Variants in MCUR1 observed in about 807,000 individuals in gnomAD.
MCUR1 encodes MCU regulator 1.
A neutral mutation model predicts 42.0 loss-of-function variants in MCUR1; 37 were observed. The observed-to-expected ratio is 0.88, with a 90% CI of 0.68 to 1.16. The LOEUF is 1.16. MCUR1 is among the 50% of genes most tolerant of loss of function. MCUR1 has a pLI of 0.00. For synonymous variants in MCUR1, 229 were observed against 196.2 expected (o/e 1.17, Z -1.40); for missense variants, 469 against 468.4 (o/e 1.00, Z -0.01).
At chr6:13,807,798 G>T (rs773012195) in intron 1 of MCUR1, among the ~76,000 whole-genome samples, 7 of 152,020 alleles carry the variant, frequency 4.6e-5, no homozygotes, top group Non-Finnish European at 1.0e-4. Flanking sequence ...CTATTATCTG[G>T]GTTTTTAAAA....
chr6:13,810,593 C>T lies in MCUR1; in HGVS notation c.415+3422G>A, dbSNP rs551204866. Among the ~76,000 whole-genome samples, 5 of 152,168 alleles carry T rather than the reference C, an allele frequency of 3.3e-5. No homozygotes were observed. The South Asian group carries it at 8.3e-4, about 25-fold the overall frequency. On this transcript the variant is annotated intron_variant, in intron 1 of 8. Transcript: ENST00000379170. ...AGCTTCCACTCTCAGTCCTTCACCC[C>T]GATTACCCTATAATGAAATCGAGAG...
chr6:13,800,504 T>C (rs1584986016), intron 4 of MCUR1, 122 bp from the exon 5 acceptor site: 11 of 592,290 alleles, frequency 1.9e-5, no homozygotes, highest in Admixed American at 3.2e-5. Context: ...GAACACCGTA[T>C]TGATTGCAGA....
intron 1 of MCUR1, among the ~76,000 whole-genome samples, chr6:13,810,030 C>T (rs1349232533): frequency 6.6e-6 from 1 of 151,924 alleles, no homozygotes; most frequent in Non-Finnish European, 1.5e-5. Context: ...TGGTGAAACC[C>T]CGTATCTACT....
At position 13,789,546 on chromosome 6, in the gene MCUR1, C is replaced by G. The variant is rs1490930249; in HGVS notation, c.*1263G>C. 1.3e-5 allele frequency: 2 copies of G among 152,100 alleles called. No individual in the cohort carries two copies. The highest frequency in any genetic ancestry group is 2.9e-5 in the Non-Finnish European group (2 of 68,028). 9.4% of individuals were successfully genotyped at this position (152,100 alleles called of 1,614,324 possible). On this transcript the variant is annotated 3_prime_UTR_variant, in exon 9 of 9. Transcript: ENST00000379170. ...TAGAATGCTGTGTGGCATGACCATTCTCGAATTTTGAAAGCCTGAGCTGGT... is the reference window on the plus strand; with the variant it reads ...TAGAATGCTGTGTGGCATGACCATTGTCGAATTTTGAAAGCCTGAGCTGGT...
At chr6:13,790,900 C>G (rs1296681210) in intron 8 of MCUR1, 36 bp from the exon 9 acceptor site, 2 of 1,469,614 alleles carry the variant, frequency 1.4e-6, no homozygotes, top group East Asian at 4.6e-5. Flanking sequence ...ACTATTAGTT[C>G]TATTAAGAGT....
chr6:13,807,405 T>C (rs1460679214), intron 1 of MCUR1, among the ~76,000 whole-genome samples: 2 of 152,226 alleles, frequency 1.3e-5, no homozygotes, highest in Non-Finnish European at 2.9e-5. Context: ...AGAAATGGAA[T>C]CATATAATAT....
chr6:13,802,643 T>C (rs529892275), intron 2 of MCUR1, among the ~76,000 whole-genome samples: 1 of 152,320 alleles, frequency 6.6e-6, no homozygotes, highest in South Asian at 2.1e-4. Context: ...TGCCGGCAAG[T>C]CAACATCAAG....
In MCUR1 at chr6:13,787,403, A is replaced by T. The variant is rs1238475481; in HGVS notation, c.*3406T>A. Reference sequence around the variant, plus strand: ...TTCAGATTTAGTTTTGCTAGATATTAAACTAGAAAACTGGATGACAGTAAA... The same window carrying T: ...TTCAGATTTAGTTTTGCTAGATATTTAACTAGAAAACTGGATGACAGTAAA... On this transcript the variant is annotated 3_prime_UTR_variant, in exon 9 of 9. Transcript: ENST00000379170. 1 of 152,350 alleles carries T rather than the reference A, an allele frequency of 6.6e-6. No individual in the cohort carries two copies. Among genetic ancestry groups the T allele is most frequent in the South Asian group, 2.1e-4 (1 of 4,834 alleles). The allele number at this position is 152,350 out of a possible 1,614,324, so 9.4% of individuals were successfully genotyped here. A position where few individuals can be genotyped will look rare whatever the true frequency, so the allele number is the denominator to read the frequency against.
chr6:13,793,736 A>T (rs537792247), intron 7 of MCUR1, among the ~76,000 whole-genome samples, 158 bp downstream of exon 7: 12 of 152,308 alleles, frequency 7.9e-5, no homozygotes, highest in African/African-American at 2.9e-4. Context: ...AATGGTTAAG[A>T]TCCTAATTTT....
chr6:13,804,848 A>G (rs1760082741), intron 2 of MCUR1, among the ~76,000 whole-genome samples: 1 of 151,332 alleles, frequency 6.6e-6, no homozygotes, highest in African/African-American at 2.4e-5. Context: ...GTTATGAGGC[A>G]GAAATTAATT....
Position 13,787,689 on chromosome 6 carries a change from C to G in MCUR1, c.*3120G>C, listed in dbSNP as rs893875429. The stretch of plus-strand genomic sequence containing the variant: ...AGGTATTGGACATCGTTCCCTCCAC[C>G]TGCACCTAGAGGATATGTGTTCAGG... On this transcript the variant is annotated 3_prime_UTR_variant, in exon 9 of 9. Coordinates refer to ENST00000379170, the MANE Select transcript of MCUR1 (RefSeq NM_001031713.4). 6 of 152,192 alleles carry G rather than the reference C, an allele frequency of 3.9e-5. No homozygotes were observed. Among genetic ancestry groups the G allele is most frequent in the Non-Finnish European group, 1.5e-5 (1 of 68,038 alleles). The allele number at this position is 152,192 out of a possible 1,614,324, so 9.4% of individuals were successfully genotyped here.
chr6:13,806,870 G>A, intron 2 of MCUR1, 55 bp downstream of exon 2: 1 of 1,509,506 alleles, frequency 6.6e-7, no homozygotes, highest in Non-Finnish European at 8.9e-7. Flanking sequence ...CATAAGAGAA[G>A]TCATAATTTA....
At chr6:13,798,395 C>T (rs910922477) in intron 6 of MCUR1, among the ~76,000 whole-genome samples, 1 of 151,918 alleles carries the variant, frequency 6.6e-6, no homozygotes, top group East Asian at 1.9e-4. Context: ...CTACCGCGCC[C>T]GGCCAGAAAT....
chr6:13,793,833 T>C (rs1013118471), intron 7 of MCUR1, 61 bp downstream of exon 7: 2 of 1,409,728 alleles, frequency 1.4e-6, no homozygotes, highest in East Asian at 2.3e-5. Flanking sequence ...CAAACAACCA[T>C]GCATGGAACG....
At chr6:13,808,867 C>A (rs534916107) in intron 1 of MCUR1, among the ~76,000 whole-genome samples, 6 of 152,246 alleles carry the variant, frequency 3.9e-5, no homozygotes, top group African/African-American at 9.6e-5. Flanking sequence ...TTTGTCCTTA[C>A]GCCAGTGCCA....
intron 2 of MCUR1, among the ~76,000 whole-genome samples, 193 bp from the exon 3 acceptor site, chr6:13,802,539 T>C (rs1760014409): frequency 6.6e-6 from 1 of 152,166 alleles, no homozygotes; most frequent in Non-Finnish European, 1.5e-5. Flanking sequence ...ACAAGTTGGC[T>C]TCCCCAGGTA....
intron 1 of MCUR1, among the ~76,000 whole-genome samples, chr6:13,811,409 A>T (rs1271274765): frequency 1.3e-5 from 2 of 152,164 alleles, no homozygotes; most frequent in Non-Finnish European, 2.9e-5. Flanking sequence ...TCTAGAGGGA[A>T]AATTTGAGAT....
At chr6:13,793,821 TACAA>T in intron 7 of MCUR1, 69 bp downstream of exon 7, 1 of 1,332,134 alleles carries the variant, frequency 7.5e-7, no homozygotes, top group East Asian at 2.3e-5. Context: ...CTATTATCAT[TACAA>T]ACAACCATGC....
At chr6:13,812,307 G>C (rs1760255224) in intron 1 of MCUR1, among the ~76,000 whole-genome samples, 1 of 151,858 alleles carries the variant, frequency 6.6e-6, no homozygotes, top group Non-Finnish European at 1.5e-5. Context: ...CTCATTGGCT[G>C]GTTAATGGGC....
Sources: gnomAD v4.1 joint callset for allele counts (sites outside exome capture counted in the v4.1 genomes callset) on GRCh38, gnomAD v4.1.1 for gene constraint, MANE v1.5 for transcripts, NCBI Gene and HGNC (gene_info 2026-07-23, HGNC 2026-07-21) for gene names.